Variants in TXNRD1 observed in about 807,000 individuals in gnomAD.
TXNRD1 encodes thioredoxin reductase 1, cytoplasmic.
In TXNRD1, 57 loss-of-function variants were observed where a neutral mutation model predicts 80.3. The ratio of observed to expected loss-of-function variants is 0.71; its 90% CI spans 0.57 to 0.89. TXNRD1 has a LOEUF of 0.89. Ranked by LOEUF, TXNRD1 falls within the 40% of genes least tolerant of loss-of-function variation. TXNRD1 has a pLI of 0.00. For missense variants in TXNRD1, 730 were observed against 803.0 expected (o/e 0.91, Z 1.10); for synonymous variants, 291 against 285.2 (o/e 1.02, Z -0.20).
intron 1 of TXNRD1, among the ~76,000 whole-genome samples, chr12:104,229,161 T>C (rs1262111561): frequency 4.7e-5 from 7 of 150,204 alleles, no homozygotes; most frequent in African/African-American, 1.5e-4. Context: ...TTTTTTTTTT[T>C]TTTTGAGACA....
intron 10 of TXNRD1, among the ~76,000 whole-genome samples, chr12:104,324,352 C>CTAAGTCATTATACCTAGTCTGTAG (rs1229337878): frequency 6.9e-6 from 1 of 145,956 alleles, no homozygotes. Context: ...AGGTGGGTTT[C>CTAAGTCATTATACCTAGTCTGTAG]GTTTTTTTTT....
At chr12:104,272,235 T>A (rs1429806208) in intron 3 of TXNRD1, among the ~76,000 whole-genome samples, 1 of 152,214 alleles carries the variant, frequency 6.6e-6, no homozygotes, top group Non-Finnish European at 1.5e-5. Context: ...TTCTTATCCC[T>A]GACACACGTG....
At chr12:104,286,446 C>T (rs1235354794) in intron 3 of TXNRD1, among the ~76,000 whole-genome samples, 1 of 152,210 alleles carries the variant, frequency 6.6e-6, no homozygotes, top group Non-Finnish European at 1.5e-5. Context: ...TTTGTCATTT[C>T]TTTTCAGGAT....
At position 104,326,460 on chromosome 12, in the gene TXNRD1, A is replaced by ATTTT. The variant is rs371884469; in HGVS notation, c.1385+56_1385+59dup. 3,810 of 538,180 alleles carry ATTTT rather than the reference A, an allele frequency of 7.1e-3. 36 individuals are homozygous for ATTTT. The highest frequency in any genetic ancestry group is 9.7e-3 in the South Asian group (363 of 37,446). The allele number at this position is 538,180 out of a possible 1,614,324, so 33.3% of individuals were successfully genotyped here. ...ATCTTTATTATGTCATATTTGTGGG[A>ATTTT]TTTTTTTTTTTTTTTTTTTTTTGAG... On this transcript the variant is annotated intron_variant, in intron 12 of 16. Coordinates refer to ENST00000525566, the MANE Select transcript of TXNRD1 (RefSeq NM_001093771.3).
At chr12:104,276,389 A>G (rs1243640919) in intron 3 of TXNRD1, among the ~76,000 whole-genome samples, 1 of 152,228 alleles carries the variant, frequency 6.6e-6, no homozygotes, top group Admixed American at 6.5e-5. Flanking sequence ...GCCTTTGGGC[A>G]GTGTGCTGGA....
intron 1 of TXNRD1, among the ~76,000 whole-genome samples, chr12:104,223,545 A>G (rs1195400847): frequency 1.1e-4 from 17 of 152,184 alleles, no homozygotes; most frequent in Middle Eastern, 3.2e-3. Context: ...CTGGACTACC[A>G]TTGTTGGGAG....
chr12:104,316,640 C>T (rs1041193523), intron 7 of TXNRD1, among the ~76,000 whole-genome samples: 1 of 152,188 alleles, frequency 6.6e-6, no homozygotes, highest in Admixed American at 6.5e-5. Flanking sequence ...CCACCTGCCT[C>T]AGCCTCCCAA....
chr12:104,277,273 G>A (rs1347426649), intron 3 of TXNRD1, among the ~76,000 whole-genome samples: 2 of 151,372 alleles, frequency 1.3e-5, no homozygotes, highest in Admixed American at 6.6e-5. Context: ...GGTGGCGGGC[G>A]CCTATAGTAC....
chr12:104,239,668 G>A (rs1354546907), intron 1 of TXNRD1, among the ~76,000 whole-genome samples: 2 of 151,880 alleles, frequency 1.3e-5, no homozygotes, highest in African/African-American at 4.8e-5. Context: ...TTTTAGTAGA[G>A]TCAGGGGTTT....
chr12:104,267,721 C>CTTTTTCTT (rs1555209319), intron 3 of TXNRD1, among the ~76,000 whole-genome samples: 2 of 84,700 alleles, frequency 2.4e-5, no homozygotes, highest in Admixed American at 1.5e-4. Flanking sequence ...TTCTTTCTTT[C>CTTTTTCTT]TCTTTCTTTC....
Position 104,326,384 on chromosome 12 carries a change from A to T in TXNRD1, c.1346A>T (p.Lys449Ile). The T allele has an allele frequency of 6.3e-7, 1 of 1,597,070 alleles. No individual in the cohort carries two copies. The highest frequency in any genetic ancestry group is 8.5e-7 in the Non-Finnish European group (1 of 1,172,970). Reference sequence around the variant, plus strand: ...ATAGGAAGAGATGCTTGCACAAGAAAAATTGGCTTAGAAACCGTAGGGGTG... The same window carrying T: ...ATAGGAAGAGATGCTTGCACAAGAATAATTGGCTTAGAAACCGTAGGGGTG... ...LAIGRDACTR[K>I]IGLETVGVKI... The change falls in exon 12 of 17, where the codon AAA (lysine) becomes ATA (isoleucine). Residue 449 changes from lysine (K) to isoleucine (I), a missense_variant. Coordinates refer to ENST00000525566, the MANE Select transcript of TXNRD1 (RefSeq NM_001093771.3).
intron 3 of TXNRD1, among the ~76,000 whole-genome samples, chr12:104,281,056 T>C (rs2033866031): frequency 6.6e-6 from 1 of 152,158 alleles, no homozygotes; most frequent in Non-Finnish European, 1.5e-5. Flanking sequence ...AGTCAACCTC[T>C]CCATTTGGAT....
chr12:104,318,836 C>G (rs1192328799), intron 7 of TXNRD1, 77 bp from the exon 8 acceptor site: 1 of 1,513,464 alleles, frequency 6.6e-7, no homozygotes, highest in African/African-American at 1.4e-5. Context: ...CTGTATTTCA[C>G]TTGAGTGGTT....
At chr12:104,225,769 C>T (rs1218340663) in intron 1 of TXNRD1, among the ~76,000 whole-genome samples, 2 of 150,528 alleles carry the variant, frequency 1.3e-5, no homozygotes, top group Admixed American at 6.6e-5. Context: ...CTTATAGCAG[C>T]GTGAGAATGG....
intron 3 of TXNRD1, among the ~76,000 whole-genome samples, chr12:104,272,328 G>A (rs988117763): frequency 1.3e-5 from 2 of 152,102 alleles, no homozygotes; most frequent in African/African-American, 4.8e-5. Context: ...TTAAAGAGAG[G>A]GACAGGGTGA....
chr12:104,235,699 A>G (rs965240231), intron 1 of TXNRD1, among the ~76,000 whole-genome samples: 1 of 152,162 alleles, frequency 6.6e-6, no homozygotes, highest in African/African-American at 2.4e-5. Flanking sequence ...GGTTCTGTTG[A>G]GGAAAGGGTA....
At chr12:104,272,626 C>G (rs1313219749) in intron 3 of TXNRD1, among the ~76,000 whole-genome samples, 2 of 151,952 alleles carry the variant, frequency 1.3e-5, no homozygotes, top group Non-Finnish European at 2.9e-5. Flanking sequence ...CCAGTCTCTA[C>G]TAAAAATACA....
intron 16 of TXNRD1, chr12:104,339,535 C>T (rs2036253678): frequency 3.5e-6 from 2 of 564,394 alleles, no homozygotes; most frequent in African/African-American, 1.9e-5. Context: ...TTTATCATAT[C>T]TTCTAAATTA....
rs150702796 is a variant in TXNRD1 at position 104,260,297 on chromosome 12, G to A, written c.304+2218G>A. Among the ~76,000 whole-genome samples the A allele has an allele frequency of 4.8e-3, 730 of 151,952 alleles. 8 individuals carry two copies. The highest frequency in any genetic ancestry group is 0.017 in the African/African-American group (692 of 41,420). Reference sequence around the variant, plus strand: ...AGCCTGACCAGTATGGAGAAACCCCGTCTGTACTAAAAATACAAAATTAGC... The same window carrying A: ...AGCCTGACCAGTATGGAGAAACCCCATCTGTACTAAAAATACAAAATTAGC... On this transcript the variant is annotated intron_variant, in intron 3 of 16. Coordinates refer to ENST00000525566, the MANE Select transcript of TXNRD1 (RefSeq NM_001093771.3).
Sources: allele counts gnomAD v4.1 joint callset (sites outside exome capture counted in the v4.1 genomes callset), GRCh38; gene constraint gnomAD v4.1.1; transcripts MANE v1.5; gene names NCBI Gene and HGNC (gene_info 2026-07-23, HGNC 2026-07-21).